Variants in CDH18 observed in about 807,000 individuals in gnomAD.
CDH18 encodes the protein cadherin-18.
CDH18 carries 31 observed loss-of-function variants against 67.9 expected under a neutral mutation model. The observed-to-expected ratio is 0.46, with a 90% CI of 0.34 to 0.62. The LOEUF (loss-of-function observed/expected upper bound fraction) is 0.62. Ranked by LOEUF, CDH18 falls within the 20% of genes least tolerant of loss-of-function variation. CDH18 has a pLI of 0.01. For synonymous variants in CDH18, 362 were observed against 347.2 expected, an observed-to-expected ratio of 1.04 and a Z score of -0.48; for missense variants, 890 against 975.5, an observed-to-expected ratio of 0.91 and a Z score of 1.17.
intron 4 of CDH18, among the ~76,000 whole-genome samples, chr5:19,724,534 C>T (rs4866150): frequency 0.56 from 85,482 of 151,426 alleles, 27,325 homozygotes; most frequent in East Asian, 0.74. Flanking sequence ...CACACACACA[C>T]ACACACAAAT....
In CDH18 at chr5:19,839,227, A is replaced by G. The variant is rs764352759; in HGVS notation, c.-241T>C. On this transcript the variant is annotated 5_prime_UTR_variant, in exon 3 of 13. Coordinates refer to ENST00000382275, the MANE Select transcript of CDH18 (RefSeq NM_004934.5). ...CAACTCTTCACAGTAGTTGAACACA[A>G]GCAACCATTTTCAACCTAATGGAAA... 2.8e-4 allele frequency: 130 copies of G among 467,914 alleles called. No homozygotes were observed. The highest frequency in any genetic ancestry group is 4.4e-4 in the Non-Finnish European group (115 of 260,640). The allele number at this position is 467,914 out of a possible 1,614,324, so 29.0% of individuals were successfully genotyped here.
chr5:20,538,896 C>CTTTTTT (rs775628726), intron 1 of CDH18, among the ~76,000 whole-genome samples: 22 of 69,122 alleles, frequency 3.2e-4, no homozygotes, highest in Non-Finnish European at 6.1e-4. Flanking sequence ...ACATAGCCAA[C>CTTTTTT]TGTTTTTTTT....
At chr5:19,515,509 C>G (rs1042090874) in intron 10 of CDH18, among the ~76,000 whole-genome samples, 2 of 152,058 alleles carry the variant, frequency 1.3e-5, no homozygotes, top group Admixed American at 6.6e-5. Context: ...TGTTTGTATC[C>G]TCTTTGTTTC....
chr5:20,425,694 T>C (rs1748249235), intron 1 of CDH18, among the ~76,000 whole-genome samples: 1 of 151,134 alleles, frequency 6.6e-6, no homozygotes. Context: ...TTTGCTATTC[T>C]TATTATAATT....
chr5:20,135,144 T>C (rs1307282215), intron 2 of CDH18, among the ~76,000 whole-genome samples: 1 of 152,180 alleles, frequency 6.6e-6, no homozygotes, highest in Non-Finnish European at 1.5e-5. Flanking sequence ...GCCTTGCTTA[T>C]GATGAATGCT....
Position 20,223,377 on chromosome 5 carries a change from A to G in CDH18, c.-518+32067T>C, listed in dbSNP as rs571373375. Among the ~76,000 whole-genome samples, 3 of 152,228 alleles carry G rather than the reference A, an allele frequency of 2.0e-5. No homozygotes were observed. In the South Asian group the frequency reaches 6.2e-4, roughly 32 times the overall value. On this transcript the variant is annotated intron_variant, in intron 2 of 14. Coordinates refer to the CDH18 transcript ENST00000507958. Reference sequence around the variant, plus strand: ...TACCCAATGCCTGTGCCCTCATTGTATCTAGGAAGTAACTAACTTGCTTTC... The same window carrying G: ...TACCCAATGCCTGTGCCCTCATTGTGTCTAGGAAGTAACTAACTTGCTTTC...
chr5:20,500,100 T>C (rs1226033141), intron 1 of CDH18, among the ~76,000 whole-genome samples: 1 of 152,126 alleles, frequency 6.6e-6, no homozygotes, highest in Non-Finnish European at 1.5e-5. Flanking sequence ...CTTTTTGTTT[T>C]AAAAATTGTA....
chr5:20,557,192 T>A (rs1757951067), intron 1 of CDH18, among the ~76,000 whole-genome samples: 1 of 152,228 alleles, frequency 6.6e-6, no homozygotes, highest in East Asian at 1.9e-4. Flanking sequence ...TTCACATATA[T>A]AATAAGACAT....
chr5:19,541,324 C>T (rs538305962), intron 9 of CDH18, among the ~76,000 whole-genome samples: 1 of 150,862 alleles, frequency 6.6e-6, no homozygotes, highest in South Asian at 2.1e-4. Context: ...CACTCCAAGT[C>T]TCCAGGATGT....
chr5:19,603,434 T>C (rs1191295313), intron 6 of CDH18, among the ~76,000 whole-genome samples: 1 of 152,124 alleles, frequency 6.6e-6, no homozygotes, highest in Non-Finnish European at 1.5e-5. Flanking sequence ...TGTATTTCAA[T>C]AGTACCATTG....
chr5:20,088,285 A>G (rs1435973), intron 2 of CDH18, among the ~76,000 whole-genome samples: 151,254 of 152,296 alleles, frequency 0.99, 75,122 homozygotes, highest in Middle Eastern at 1. Context: ...ACTTTCAGTG[A>G]ATATTTGACT....
intron 2 of CDH18, among the ~76,000 whole-genome samples, chr5:20,119,843 T>C (rs1361062682): frequency 6.6e-6 from 1 of 152,108 alleles, no homozygotes; most frequent in Non-Finnish European, 1.5e-5. Context: ...ATTTCATTAG[T>C]ATAACATAAC....
chr5:19,699,532 A>C (rs1293312615), intron 5 of CDH18, among the ~76,000 whole-genome samples: 1 of 152,056 alleles, frequency 6.6e-6, no homozygotes, highest in Non-Finnish European at 1.5e-5. Context: ...TTAGTTCATA[A>C]GGGTAAGCCC....
chr5:20,194,539 T>C (rs759870729), intron 2 of CDH18, among the ~76,000 whole-genome samples: 2 of 152,056 alleles, frequency 1.3e-5, no homozygotes, highest in Admixed American at 1.3e-4. Flanking sequence ...AATGGAGTCA[T>C]GAATGTTCGT....
chr5:20,055,525 T>C (rs1741822948), intron 2 of CDH18, among the ~76,000 whole-genome samples: 1 of 152,220 alleles, frequency 6.6e-6, no homozygotes, highest in African/African-American at 2.4e-5. Flanking sequence ...AAGCATATGA[T>C]ATATTTTAGT....
chr5:20,516,236 T>C (rs944099569), intron 1 of CDH18, among the ~76,000 whole-genome samples: 1 of 152,034 alleles, frequency 6.6e-6, no homozygotes, highest in African/African-American at 2.4e-5. Flanking sequence ...AATTCACTGT[T>C]GGCCACTTTT....
intron 1 of CDH18, among the ~76,000 whole-genome samples, chr5:20,408,034 A>T (rs967812015): frequency 1.3e-5 from 2 of 152,068 alleles, no homozygotes; most frequent in Admixed American, 6.6e-5. Flanking sequence ...GACTTATAAC[A>T]TACAAGGGAA....
intron 1 of CDH18, among the ~76,000 whole-genome samples, chr5:20,368,249 G>A (rs1229087603): frequency 6.6e-6 from 1 of 152,178 alleles, no homozygotes; most frequent in African/African-American, 2.4e-5. Flanking sequence ...AAATAGCTTG[G>A]TGAGATTGTA....
chr5:20,302,375 C>T (rs1018628151), intron 1 of CDH18, among the ~76,000 whole-genome samples: 4 of 152,148 alleles, frequency 2.6e-5, no homozygotes, highest in East Asian at 1.9e-4. Flanking sequence ...CAAAACCCCA[C>T]GTGCATTCTC....
Sources: allele counts gnomAD v4.1 joint callset (sites outside exome capture counted in the v4.1 genomes callset), GRCh38; gene constraint gnomAD v4.1.1; transcripts MANE v1.5; gene names NCBI Gene and HGNC (gene_info 2026-07-23, HGNC 2026-07-21).